AFF3: variants seen among roughly 807,000 people sequenced by gnomAD.
AFF3 encodes ALF transcription elongation factor 3.
AFF3 carries 32 observed loss-of-function variants against 129.7 expected under a neutral mutation model. The ratio of observed to expected loss-of-function variants is 0.25; its 90% CI spans 0.19 to 0.33. AFF3 has a LOEUF of 0.33. Ranked by LOEUF, AFF3 falls within the 10% of genes least tolerant of loss-of-function variation. AFF3 has a pLI of 1.00. For synonymous variants in AFF3, 644 were observed against 635.4 expected (o/e 1.01, Z -0.20); for missense variants, 1,373 against 1,592.0 (o/e 0.86, Z 2.34).
intron 7 of AFF3, among the ~76,000 whole-genome samples, chr2:99,913,208 T>C (rs1302054462): frequency 6.6e-6 from 1 of 152,264 alleles, no homozygotes; most frequent in Non-Finnish European, 1.5e-5. Flanking sequence ...AGAATTATTT[T>C]AAACAAATAT....
intron 8 of AFF3, among the ~76,000 whole-genome samples, chr2:99,768,236 C>T (rs1485545803): frequency 1.3e-5 from 2 of 151,728 alleles, no homozygotes; most frequent in Admixed American, 1.3e-4. Flanking sequence ...AAAAGTTAAA[C>T]ATTGCAAAAA....
intron 13 of AFF3, among the ~76,000 whole-genome samples, chr2:99,631,815 G>A (rs1363470517): frequency 6.6e-6 from 1 of 152,154 alleles, no homozygotes; most frequent in Admixed American, 6.5e-5. Flanking sequence ...TGTGGACAGG[G>A]TGTCCAGACA....
intron 11 of AFF3, among the ~76,000 whole-genome samples, chr2:99,704,137 A>G (rs1367318588): frequency 6.6e-6 from 1 of 152,200 alleles, no homozygotes; most frequent in African/African-American, 2.4e-5. Context: ...TAACTTCTGC[A>G]TCACCATTTC....
chr2:99,779,389 C>A (rs766195588), intron 8 of AFF3, among the ~76,000 whole-genome samples: 13 of 152,120 alleles, frequency 8.5e-5, no homozygotes, highest in Non-Finnish European at 1.3e-4. Flanking sequence ...GAAATAAATT[C>A]TTAAAACAAC....
intron 8 of AFF3, among the ~76,000 whole-genome samples, chr2:99,810,323 A>G (rs1312764739): frequency 6.6e-6 from 1 of 152,346 alleles, no homozygotes; most frequent in East Asian, 1.9e-4. Flanking sequence ...CCCTTGTCTT[A>G]CCTGGCCGCT....
intron 1 of AFF3, among the ~76,000 whole-genome samples, chr2:100,136,706 C>A (rs760631162): frequency 1.3e-5 from 2 of 151,992 alleles, no homozygotes; most frequent in Non-Finnish European, 2.9e-5. Context: ...TCAAAAGTAT[C>A]CTGGTTATTC....
chr2:99,677,392 A>T (rs1674078841), intron 11 of AFF3, among the ~76,000 whole-genome samples: 1 of 152,136 alleles, frequency 6.6e-6, no homozygotes, highest in Non-Finnish European at 1.5e-5. Flanking sequence ...TGGTGACTTT[A>T]CAGTAGAGTC....
At chr2:99,762,182 T>C (rs1012898205) in intron 8 of AFF3, among the ~76,000 whole-genome samples, 1 of 150,812 alleles carries the variant, frequency 6.6e-6, no homozygotes, top group Non-Finnish European at 1.5e-5. Context: ...TAGAATGCAA[T>C]GGCGTGATCT....
intron 4 of AFF3, among the ~76,000 whole-genome samples, chr2:100,044,797 G>A (rs1685701677): frequency 6.6e-6 from 1 of 151,966 alleles, no homozygotes; most frequent in African/African-American, 2.4e-5. Flanking sequence ...CTGTACAACA[G>A]TACTGTCCGT....
At chr2:99,795,867 A>G (rs1169256353) in intron 8 of AFF3, among the ~76,000 whole-genome samples, 2 of 152,056 alleles carry the variant, frequency 1.3e-5, no homozygotes, top group South Asian at 4.1e-4. Context: ...ATTTATTTGC[A>G]TGTTGCCTCC....
At chr2:100,087,689 T>C (rs1193843903) in intron 4 of AFF3, among the ~76,000 whole-genome samples, 3 of 151,906 alleles carry the variant, frequency 2.0e-5, no homozygotes, top group African/African-American at 7.3e-5. Context: ...ACTTTCATTA[T>C]CAAAGAAGAA....
At chr2:99,741,092 G>A (rs2105114426) in intron 10 of AFF3, among the ~76,000 whole-genome samples, 1 of 152,264 alleles carries the variant, frequency 6.6e-6, no homozygotes, top group South Asian at 2.1e-4. Flanking sequence ...TCTCAGGTTT[G>A]TCAAAGATCA....
At chr2:99,986,090 A>T (rs1679835003) in intron 7 of AFF3, among the ~76,000 whole-genome samples, 1 of 151,732 alleles carries the variant, frequency 6.6e-6, no homozygotes, top group Non-Finnish European at 1.5e-5. Flanking sequence ...AGTCCCAGCT[A>T]TTCAGGATGC....
chr2:99,771,522 C>T (rs1394716418), intron 8 of AFF3, among the ~76,000 whole-genome samples: 2 of 151,904 alleles, frequency 1.3e-5, no homozygotes, highest in African/African-American at 4.8e-5. Context: ...AAGGCTGGCA[C>T]AAATGGATAC....
At chr2:99,779,879 G>C (rs990566388) in intron 8 of AFF3, among the ~76,000 whole-genome samples, 1 of 152,192 alleles carries the variant, frequency 6.6e-6, no homozygotes, top group Non-Finnish European at 1.5e-5. Context: ...GCAGAGCCAC[G>C]ACCTGGATTC....
intron 8 of AFF3, among the ~76,000 whole-genome samples, chr2:99,829,119 A>C (rs1046327120): frequency 6.6e-6 from 1 of 152,236 alleles, no homozygotes; most frequent in African/African-American, 2.4e-5. Flanking sequence ...GAACTTCTCC[A>C]TAAGGTCCAA....
chr2:99,898,038 G>A (rs1268891350), intron 7 of AFF3, among the ~76,000 whole-genome samples: 1 of 152,136 alleles, frequency 6.6e-6, no homozygotes, highest in South Asian at 2.1e-4. Context: ...AAGTCTTAAG[G>A]CTTTTCAAAG....
intron 13 of AFF3, among the ~76,000 whole-genome samples, chr2:99,640,689 T>C (rs149819212): frequency 1.3e-5 from 2 of 152,244 alleles, no homozygotes; most frequent in East Asian, 3.9e-4. Flanking sequence ...GTATTCTTGG[T>C]CTTACTGCAT....
At chr2:99,949,025 T>C (rs1283564794) in intron 7 of AFF3, among the ~76,000 whole-genome samples, 1 of 152,202 alleles carries the variant, frequency 6.6e-6, no homozygotes, top group Non-Finnish European at 1.5e-5. Context: ...TAGGAGGTTA[T>C]GCCAGGGCAC....
Sources: gnomAD v4.1 joint callset for allele counts (sites outside exome capture counted in the v4.1 genomes callset) on GRCh38, gnomAD v4.1.1 for gene constraint, MANE v1.5 for transcripts, NCBI Gene and HGNC (gene_info 2026-07-23, HGNC 2026-07-21) for gene names.